The following SLC14A2 variants were observed in gnomAD, a reference collection of about 807,000 sequenced individuals.
SLC14A2 encodes the protein urea transporter 2.
A neutral mutation model predicts 104.6 loss-of-function variants in SLC14A2; 91 were observed. That is an observed-to-expected ratio of 0.87 (90% confidence interval 0.73 to 1.04). The LOEUF (loss-of-function observed/expected upper bound fraction) is 1.04. Among genes scored for constraint, SLC14A2 ranks in the 50% least tolerant of loss-of-function variants. SLC14A2 has a pLI of 0.00. For missense variants in SLC14A2, 1,189 were observed against 1,156.0 expected, an observed-to-expected ratio of 1.03 and a Z score of -0.41; for synonymous variants, 476 against 466.4, an observed-to-expected ratio of 1.02 and a Z score of -0.27.
At chr18:45,584,997 G>A (rs1352984747) in intron 2 of SLC14A2, among the ~76,000 whole-genome samples, 1 of 152,116 alleles carries the variant, frequency 6.6e-6, no homozygotes, top group East Asian at 1.9e-4. Flanking sequence ...ATCTCTCTGG[G>A]CCTTTTCCTG....
At chr18:45,356,677 G>C (rs999175832) in intron 1 of SLC14A2, among the ~76,000 whole-genome samples, 3 of 152,240 alleles carry the variant, frequency 2.0e-5, no homozygotes, top group Non-Finnish European at 2.9e-5. Flanking sequence ...ATAATATTTA[G>C]TGGCCTGTAT....
chr18:45,534,913 A>G (rs1163510719), intron 2 of SLC14A2, among the ~76,000 whole-genome samples: 2 of 152,200 alleles, frequency 1.3e-5, no homozygotes, highest in African/African-American at 2.4e-5. Flanking sequence ...GAAGAAAAAT[A>G]CAACCTGCAA....
chr18:45,613,976 G>A (rs1449325209), upstream of SLC14A2, among the ~76,000 whole-genome samples: 2 of 152,220 alleles, frequency 1.3e-5, no homozygotes, highest in African/African-American at 4.8e-5. Flanking sequence ...CCAAGACAAT[G>A]GGGAAGATTA....
At chr18:45,374,939 G>T (rs1209037464) in intron 1 of SLC14A2, among the ~76,000 whole-genome samples, 1 of 152,210 alleles carries the variant, frequency 6.6e-6, no homozygotes, top group Non-Finnish European at 1.5e-5. Flanking sequence ...TGCTCTGGAA[G>T]TAGAGAGACT....
At chr18:45,330,695 G>T (rs555210825) in intron 1 of SLC14A2, among the ~76,000 whole-genome samples, 2 of 152,140 alleles carry the variant, frequency 1.3e-5, no homozygotes, top group Non-Finnish European at 2.9e-5. Context: ...TCACTCTCCC[G>T]CCAGACCCTT....
At chr18:45,374,797 C>T (rs2144362720) in intron 1 of SLC14A2, among the ~76,000 whole-genome samples, 1 of 152,270 alleles carries the variant, frequency 6.6e-6, no homozygotes, top group South Asian at 2.1e-4. Flanking sequence ...GGACTTCTAA[C>T]CTAGGGAACC....
the SLC14A2 span, among the ~76,000 whole-genome samples, chr18:45,180,305 T>G: frequency 6.6e-6 from 1 of 152,164 alleles, no homozygotes; most frequent in East Asian, 1.9e-4. Flanking sequence ...AGGACAATAT[T>G]AGCACTCATC....
chr18:45,585,780 C>T (rs928403755), intron 2 of SLC14A2, among the ~76,000 whole-genome samples: 1 of 152,198 alleles, frequency 6.6e-6, no homozygotes, highest in Non-Finnish European at 1.5e-5. Context: ...CTGCCCCCTT[C>T]TCCCTCTGCA....
intron 1 of SLC14A2, among the ~76,000 whole-genome samples, chr18:45,345,358 G>A (rs2085437458): frequency 1.3e-5 from 2 of 152,218 alleles, no homozygotes; most frequent in Non-Finnish European, 1.5e-5. Flanking sequence ...CAGAGAGACA[G>A]ATTTTTTAAA....
At chr18:45,223,195 C>T (rs1414670179) in intron 1 of SLC14A2, among the ~76,000 whole-genome samples, 1 of 152,156 alleles carries the variant, frequency 6.6e-6, no homozygotes, top group African/African-American at 2.4e-5. Context: ...CCCAAAGTCA[C>T]AAGATGGTAA....
intron 1 of SLC14A2, among the ~76,000 whole-genome samples, chr18:45,427,180 T>A (rs1384783808): frequency 6.6e-6 from 1 of 151,872 alleles, no homozygotes; most frequent in African/African-American, 2.4e-5. Flanking sequence ...ATGAGGGAAA[T>A]GAAACCCCTG....
At chr18:45,247,286 A>G (rs2084375988) in intron 1 of SLC14A2, among the ~76,000 whole-genome samples, 1 of 152,256 alleles carries the variant, frequency 6.6e-6, no homozygotes, top group Non-Finnish European at 1.5e-5. Flanking sequence ...AAATTGATTT[A>G]TACACATTTT....
At chr18:45,253,224 T>C (rs1287331303) in intron 1 of SLC14A2, among the ~76,000 whole-genome samples, 3 of 152,180 alleles carry the variant, frequency 2.0e-5, no homozygotes, top group Non-Finnish European at 4.4e-5. Context: ...CTGTTGTTGC[T>C]GGCTGGAGGG....
chr18:45,381,336 A>G (rs1158069147), intron 1 of SLC14A2, among the ~76,000 whole-genome samples: 1 of 152,230 alleles, frequency 6.6e-6, no homozygotes, highest in Non-Finnish European at 1.5e-5. Flanking sequence ...GGGATATTAG[A>G]TTTGGAAAAC....
chr18:45,288,723 A>G (rs1192035287), intron 1 of SLC14A2, among the ~76,000 whole-genome samples: 1 of 152,204 alleles, frequency 6.6e-6, no homozygotes, highest in Non-Finnish European at 1.5e-5. Context: ...TCAGTGACTG[A>G]CAGAGCGTCA....
At chr18:45,674,354 T>C (rs1416990771) in intron 18 of SLC14A2, among the ~76,000 whole-genome samples, 1 of 152,206 alleles carries the variant, frequency 6.6e-6, no homozygotes, top group African/African-American at 2.4e-5. Context: ...ACATTATCTA[T>C]ATAAACTTAT....
At chr18:45,542,785 C>A (rs572155526) in intron 2 of SLC14A2, among the ~76,000 whole-genome samples, 2 of 152,232 alleles carry the variant, frequency 1.3e-5, no homozygotes, top group Middle Eastern at 3.4e-3. Context: ...TGGAAGGGAG[C>A]AGAGGCTGAC....
chr18:45,647,059 T>C (rs1294237004), intron 10 of SLC14A2: 1 of 152,228 alleles, frequency 6.6e-6, no homozygotes, highest in African/African-American at 2.4e-5. Flanking sequence ...CCACTCTCCC[T>C]CTCCCAGTCT....
chr18:45,642,466 G>T (rs1444583067), intron 8 of SLC14A2, among the ~76,000 whole-genome samples: 1 of 152,230 alleles, frequency 6.6e-6, no homozygotes, highest in African/African-American at 2.4e-5. Context: ...AACACTTCTA[G>T]TAGGATCTGA....
Sources: allele counts gnomAD v4.1 joint callset (sites outside exome capture counted in the v4.1 genomes callset), GRCh38; gene constraint gnomAD v4.1.1; transcripts MANE v1.5; gene names NCBI Gene and HGNC (gene_info 2026-07-23, HGNC 2026-07-21).